NEK2: variants seen among roughly 807,000 people sequenced by gnomAD.
NEK2 encodes the protein NIMA related kinase 2.
A neutral mutation model predicts 54.1 loss-of-function variants in NEK2; 28 were observed. The ratio of observed to expected loss-of-function variants is 0.52; its 90% CI spans 0.38 to 0.71. NEK2 has a LOEUF of 0.71. Ranked by LOEUF, NEK2 falls within the 30% of genes least tolerant of loss-of-function variation. The pLI, the probability that NEK2 is intolerant of heterozygous loss-of-function variation, is 0.00. For synonymous variants in NEK2, 176 were observed against 193.1 expected (o/e 0.91, Z 0.73); for missense variants, 407 against 531.5 (o/e 0.77, Z 2.30).
rs45623136 is a variant in NEK2 at position 211,674,304 on chromosome 1, G to C, written c.306C>G (p.Thr102=). The C allele has an allele frequency of 8.7e-3, 14,054 of 1,607,742 alleles. 95 individuals are homozygous for C. The highest frequency in any genetic ancestry group is 0.011 in the Non-Finnish European group (12,766 of 1,175,880). The stretch of plus-strand genomic sequence containing the variant: ...TAAAAGATTATGCTTACCTTTCCTT[G>C]GTTCCCTTTGTAATTACACTAGCCA... ...GDLASVITKG[T]KERQYLDEEF... The change falls in exon 2 of 8, where the codon ACC becomes ACG. Residue 102 remains threonine, a synonymous_variant. Coordinates refer to ENST00000366999, the MANE Select transcript of NEK2 (RefSeq NM_002497.4).
chr1:211,671,467 A>G (rs530059904), intron 3 of NEK2, among the ~76,000 whole-genome samples, 183 bp from the exon 4 acceptor site: 29 of 152,360 alleles, frequency 1.9e-4, no homozygotes, highest in Non-Finnish European at 3.7e-4. Flanking sequence ...ACTCCATCAT[A>G]CATAATTCAT....
At position 211,674,475 on chromosome 1, in the gene NEK2, T is replaced by C. The variant is rs767949315; in HGVS notation, c.135A>G (p.Thr45=). The change falls in exon 2 of 8, where the codon ACA becomes ACG. Residue 45 remains threonine, a synonymous_variant. Transcript: ENST00000366999. ...VWKELDYGSM[T]EAEKQMLVSE... is the part of the protein sequence containing the mutation. The stretch of plus-strand genomic sequence containing the variant: ...AAACAAGCATCTGTTTCTCAGCTTC[T>C]GTCATGGAGCCATAGTCAAGTTCTT... 6.2e-7 allele frequency: 1 copy of C among 1,613,890 alleles called. No homozygotes were observed. The highest frequency in any genetic ancestry group is 8.5e-7 in the Non-Finnish European group (1 of 1,179,858).
intron 6 of NEK2, among the ~76,000 whole-genome samples, 198 bp from the exon 7 acceptor site, chr1:211,667,429 T>C (rs1655216477): frequency 6.6e-6 from 1 of 152,368 alleles, no homozygotes; most frequent in East Asian, 1.9e-4. Context: ...GTATGTTATC[T>C]TAGATTTTCT....
chr1:211,666,107 AG>A (rs1397222024), intron 7 of NEK2, among the ~76,000 whole-genome samples: 3 of 151,180 alleles, frequency 2.0e-5, no homozygotes, highest in African/African-American at 7.3e-5. Context: ...AATTAGATTG[AG>A]GGTTTCTATA....
intron 3 of NEK2, among the ~76,000 whole-genome samples, chr1:211,672,999 C>T (rs1655448004): frequency 6.6e-6 from 1 of 151,708 alleles, no homozygotes; most frequent in East Asian, 1.9e-4. Context: ...CTGATATAGA[C>T]TTTATTGGTC....
At chr1:211,672,585 A>T (rs1166613976) in intron 3 of NEK2, among the ~76,000 whole-genome samples, 1 of 151,854 alleles carries the variant, frequency 6.6e-6, no homozygotes, top group East Asian at 1.9e-4. Context: ...AGCCTCTTAA[A>T]TGCAAAGTCT....
intron 7 of NEK2, chr1:211,666,346 C>A (rs1558227381): frequency 4.9e-6 from 1 of 204,496 alleles, no homozygotes; most frequent in Non-Finnish European, 8.6e-6. Context: ...AAGATCCAAA[C>A]GTGACAGCCT....
intron 7 of NEK2, chr1:211,666,776 G>T: frequency 1.7e-6 from 1 of 580,328 alleles, no homozygotes; most frequent in Non-Finnish European, 2.2e-6. Context: ...TCCAGCCTGG[G>T]CTACAGAGTG....
downstream of NEK2, among the ~76,000 whole-genome samples, chr1:211,658,998 C>T (rs1399851521): frequency 1.3e-5 from 2 of 152,110 alleles, no homozygotes; most frequent in African/African-American, 4.8e-5. Flanking sequence ...TCTTCACTTA[C>T]TGAGGATGCT....
chr1:211,673,888 G>A (rs536794225), intron 2 of NEK2, among the ~76,000 whole-genome samples, 165 bp from the exon 3 acceptor site: 9 of 152,152 alleles, frequency 5.9e-5, no homozygotes, highest in East Asian at 1.9e-4. Context: ...GCAGTGGCAC[G>A]ATCATGGCTC....
intron 3 of NEK2, among the ~76,000 whole-genome samples, chr1:211,671,711 A>G (rs1336608351): frequency 6.6e-6 from 1 of 152,244 alleles, no homozygotes; most frequent in Admixed American, 6.5e-5. Context: ...CACTCCATAA[A>G]TCACAGTAGT....
In NEK2 at chr1:211,663,353, C is replaced by T. The variant is rs1655069293; in HGVS notation, c.*73G>A. 6.5e-7 allele frequency: 1 copy of T among 1,538,266 alleles called. No homozygotes were observed. The highest frequency in any genetic ancestry group is 8.8e-7 in the Non-Finnish European group (1 of 1,138,414). On this transcript the variant is annotated 3_prime_UTR_variant, in exon 8 of 8. Transcript: ENST00000366999. The stretch of plus-strand genomic sequence containing the variant: ...TCATGGAACCAAGTATTCAACACTA[C>T]AGCATTTGAATATCAGTCTTTAAAG...
downstream of NEK2, chr1:211,660,413 G>C (rs1377310238): frequency 8.6e-6 from 6 of 696,954 alleles, no homozygotes; most frequent in South Asian, 1.4e-5. Flanking sequence ...ATCTGGTACT[G>C]TTTTGGAGTG....
intron 7 of NEK2, among the ~76,000 whole-genome samples, chr1:211,664,506 C>T (rs1182130430): frequency 6.6e-6 from 1 of 152,108 alleles, no homozygotes; most frequent in East Asian, 1.9e-4. Context: ...GGAAAAATAG[C>T]TCTGGAAACA....
chr1:211,669,095 A>T lies in NEK2; in HGVS notation c.985+18T>A, dbSNP rs772970059. 2.5e-6 allele frequency: 4 copies of T among 1,607,836 alleles called. No individual in the cohort carries two copies. The highest frequency in any genetic ancestry group is 2.6e-6 in the Non-Finnish European group (3 of 1,175,104). ...CACTTGGTAGTTCTCCTTTGCTTTG[A>T]CCCCCATTCAGACTTACGCTCCAAT... On this transcript the variant is annotated intron_variant, in intron 6 of 7. Transcript: ENST00000366999.
Position 211,675,518 on chromosome 1 carries a change from T to C in NEK2, c.-39A>G, listed in dbSNP as rs764789276. ...CCAGAGTCGCGCTGCCTCACGCAGG[T>C]TGCGCCGCCAAGTGCGGAGCTCCAG... On this transcript the variant is annotated 5_prime_UTR_variant, in exon 1 of 8. Coordinates refer to ENST00000366999, the MANE Select transcript of NEK2 (RefSeq NM_002497.4). 37 of 1,572,208 alleles carry C rather than the reference T, an allele frequency of 2.4e-5. No individual in the cohort carries two copies. The highest frequency in any genetic ancestry group is 2.2e-4 in the Middle Eastern group (1 of 4,534).
chr1:211,660,619 G>T (rs553065550), downstream of NEK2: 173 of 645,770 alleles, frequency 2.7e-4, no homozygotes, highest in Admixed American at 5.5e-4. Flanking sequence ...CATATGCATG[G>T]CTGCAGCTAT....
chr1:211,661,777 T>G (rs1655024046), downstream of NEK2, among the ~76,000 whole-genome samples: 2 of 152,244 alleles, frequency 1.3e-5, no homozygotes, highest in South Asian at 4.1e-4. Flanking sequence ...TATCAGCAAG[T>G]GTCTTTGGTT....
intron 7 of NEK2, chr1:211,666,881 A>T (rs371222447): frequency 1.6e-6 from 2 of 1,266,534 alleles, no homozygotes; most frequent in African/African-American, 3.1e-5. Context: ...AAGAAAATCA[A>T]ACATGAAATT....
Sources: gnomAD v4.1 joint callset for allele counts (sites outside exome capture counted in the v4.1 genomes callset) on GRCh38, gnomAD v4.1.1 for gene constraint, MANE v1.5 for transcripts, NCBI Gene and HGNC (gene_info 2026-07-23, HGNC 2026-07-21) for gene names.